Variants in LUC7L2 observed in about 807,000 individuals in gnomAD.
LUC7L2 encodes putative RNA-binding protein Luc7-like 2.
LUC7L2 carries 25 observed loss-of-function variants against 52.8 expected under a neutral mutation model. The observed-to-expected ratio is 0.47, with a 90% CI of 0.34 to 0.66. The LOEUF is 0.66. Among genes scored for constraint, LUC7L2 ranks in the 30% least tolerant of loss-of-function variants. The pLI is 0.01. For missense variants in LUC7L2, 328 were observed against 497.8 expected, an observed-to-expected ratio of 0.66 and a Z score of 3.25; for synonymous variants, 144 against 160.9, an observed-to-expected ratio of 0.89 and a Z score of 0.80.
chr7:139,409,694 G>T, intron 7 of LUC7L2, 40 bp downstream of exon 7: 4 of 1,546,440 alleles, frequency 2.6e-6, no homozygotes, highest in Non-Finnish European at 3.5e-6. Context: ...TTGAATCTCT[G>T]TGGTTCTAAA....
At chr7:139,354,678 G>C (rs1314540589) in intron 1 of LUC7L2, among the ~76,000 whole-genome samples, 1 of 152,098 alleles carries the variant, frequency 6.6e-6, no homozygotes, top group South Asian at 2.1e-4. Context: ...TGTCAATTTG[G>C]TAGAAATAGC....
chr7:139,363,271 C>T (rs1799974632), intron 1 of LUC7L2: 2 of 982,086 alleles, frequency 2.0e-6, no homozygotes, highest in African/African-American at 1.7e-5. Flanking sequence ...TGAGTTGAAA[C>T]ATTGGTCACA....
chr7:139,388,153 C>A (rs1292739407), intron 2 of LUC7L2, among the ~76,000 whole-genome samples: 1 of 152,166 alleles, frequency 6.6e-6, no homozygotes, highest in Non-Finnish European at 1.5e-5. Flanking sequence ...AAATTTATCT[C>A]ATTTGTGTAT....
chr7:139,388,300 C>T (rs1015441210), intron 2 of LUC7L2, among the ~76,000 whole-genome samples: 2 of 151,820 alleles, frequency 1.3e-5, no homozygotes, highest in African/African-American at 2.4e-5. Flanking sequence ...TTCCTATGTT[C>T]TTAAGAAAAT....
At chr7:139,354,981 C>G (rs1227844549), upstream of LUC7L2, among the ~76,000 whole-genome samples, 3 of 151,926 alleles carry the variant, frequency 2.0e-5, no homozygotes, top group Non-Finnish European at 2.9e-5. Context: ...CCTCAGGCTT[C>G]TGAGTAGCTG....
At chr7:139,394,778 C>T (rs1350791064) in intron 2 of LUC7L2, among the ~76,000 whole-genome samples, 1 of 152,008 alleles carries the variant, frequency 6.6e-6, no homozygotes, top group Admixed American at 6.6e-5. Context: ...ACTGAAATAA[C>T]CGGAACTAGC....
At chr7:139,342,272 CAG>C (rs1799020571) in intron 1 of LUC7L2, among the ~76,000 whole-genome samples, 1 of 152,076 alleles carries the variant, frequency 6.6e-6, no homozygotes. Context: ...GTGTAGACAA[CAG>C]GGGCTGGGGT....
At chr7:139,380,217 A>G (rs1177091743) in intron 2 of LUC7L2, among the ~76,000 whole-genome samples, 2 of 152,108 alleles carry the variant, frequency 1.3e-5, no homozygotes. Context: ...GGTAAAACAG[A>G]ACAGAGGATC....
At chr7:139,415,328 C>G (rs1433542742) in intron 8 of LUC7L2, among the ~76,000 whole-genome samples, 1 of 151,482 alleles carries the variant, frequency 6.6e-6, no homozygotes, top group African/African-American at 2.4e-5. Context: ...CTTTGTTTTA[C>G]TTGCTACTCA....
chr7:139,359,351 T>C (rs575720644), upstream of LUC7L2: 55 of 155,914 alleles, frequency 3.5e-4, no homozygotes, highest in Middle Eastern at 3.3e-3. Context: ...TCTCCTGAAG[T>C]TGACACTTCC....
rs183102613 is a variant in LUC7L2, at chr7:139,353,361, C to G, written c.-26+12844C>G. Among the ~76,000 whole-genome samples the G allele has an allele frequency of 6.6e-5, 10 of 152,294 alleles. No individual in the cohort carries two copies. The East Asian group carries it at 1.7e-3, about 26-fold the overall frequency. On this transcript the variant is annotated intron_variant, in intron 1 of 10. Coordinates refer to the LUC7L2 transcript ENST00000541170. ...TCTGGACAGCTAGCAAAACATGTTA[C>G]TTGTACCTATTCTGTTTTAATTACC...
At chr7:139,417,796 T>C (rs909267473) in intron 9 of LUC7L2, 67 bp downstream of exon 9, 68 of 1,529,294 alleles carry the variant, frequency 4.4e-5, no homozygotes, top group African/African-American at 2.6e-4. Context: ...TGTTTACTTA[T>C]GTTACTTATG....
intron 9 of LUC7L2, among the ~76,000 whole-genome samples, chr7:139,419,915 G>A (rs925777559): frequency 6.6e-6 from 1 of 152,160 alleles, no homozygotes; most frequent in African/African-American, 2.4e-5. Flanking sequence ...GATAATTGCT[G>A]TTAAAACCTA....
At chr7:139,418,382 C>G (rs573898824) in intron 9 of LUC7L2, among the ~76,000 whole-genome samples, 46 of 152,312 alleles carry the variant, frequency 3.0e-4, no homozygotes, top group African/African-American at 1.1e-3. Flanking sequence ...CTGTATAGAT[C>G]AAACTGTCAA....
At chr7:139,420,951 A>G (rs1209041507) in intron 9 of LUC7L2, among the ~76,000 whole-genome samples, 1 of 152,060 alleles carries the variant, frequency 6.6e-6, no homozygotes, top group Non-Finnish European at 1.5e-5. Flanking sequence ...GGCACACGCC[A>G]CCACTCTCAG....
chr7:139,345,846 A>G, intron 1 of LUC7L2: 1 of 902,690 alleles, frequency 1.1e-6, no homozygotes, highest in Non-Finnish European at 1.6e-6. Context: ...TTAACTGGAC[A>G]TTTCATCTTT....
chr7:139,416,448 T>A (rs1453152880), intron 8 of LUC7L2: 1 of 152,160 alleles, frequency 6.6e-6, no homozygotes. Flanking sequence ...TCATTAGAAA[T>A]ACATTTTTTT....
chr7:139,340,616 T>C (rs1184169604), intron 1 of LUC7L2: 2 of 396,814 alleles, frequency 5.0e-6, no homozygotes, highest in African/African-American at 4.1e-5. Context: ...TTTCGTGGGA[T>C]AGGGTAAGGC....
At chr7:139,350,632 T>TA (rs1672592037) in intron 1 of LUC7L2, among the ~76,000 whole-genome samples, 1 of 151,800 alleles carries the variant, frequency 6.6e-6, no homozygotes, top group African/African-American at 2.4e-5. Flanking sequence ...CATTTGACAC[T>TA]ATGGGCAATT....
Sources: allele counts gnomAD v4.1 joint callset (sites outside exome capture counted in the v4.1 genomes callset), GRCh38; gene constraint gnomAD v4.1.1; transcripts MANE v1.5; gene names NCBI Gene and HGNC (gene_info 2026-07-23, HGNC 2026-07-21).